PARP2: variants seen among roughly 807,000 people sequenced by gnomAD.
PARP2 encodes the protein poly(ADP-ribose) polymerase 2.
A neutral mutation model predicts 77.8 loss-of-function variants in PARP2; 57 were observed. That is an observed-to-expected ratio of 0.73 (90% CI 0.59 to 0.91). The LOEUF is 0.91. PARP2 is among the 40% of genes least tolerant of loss of function. The pLI, the probability that PARP2 is intolerant of heterozygous loss-of-function variation, is 0.00. For missense variants in PARP2, 651 were observed against 689.0 expected (o/e 0.94, Z 0.62); for synonymous variants, 226 against 242.6 (o/e 0.93, Z 0.64).
At chr14:20,348,383 T>A (rs1039981065) in intron 4 of PARP2, among the ~76,000 whole-genome samples, 5 of 150,702 alleles carry the variant, frequency 3.3e-5, no homozygotes, top group African/African-American at 1.2e-4. Flanking sequence ...TTTTCCTTTT[T>A]AAAAAATTTT....
chr14:20,354,925 A>G lies in PARP2; in HGVS notation c.880A>G (p.Thr294Ala). Residue 294 changes from threonine to alanine, a missense_variant, in exon 9 of 16, where the codon ACC becomes GCC. Thr to Ala is a moderately conservative substitution (Grantham distance 58). Coordinates refer to ENST00000429687, the MANE Select transcript of PARP2 (RefSeq NM_001042618.2). ...CATGGAAGCATGCAATGAATTCTAC[A>G]CCAGGATTCCGCATGACTTTGGGTA... ...ALMEACNEFY[T>A]RIPHDFGLRT... 6.2e-7 allele frequency: 1 copy of G among 1,613,898 alleles called. No homozygotes were observed. Among genetic ancestry groups the G allele is most frequent in the Non-Finnish European group, 8.5e-7 (1 of 1,179,896 alleles).
At chr14:20,346,946 T>C (rs1883747522) in intron 4 of PARP2, 33 bp downstream of exon 4, 2 of 1,341,938 alleles carry the variant, frequency 1.5e-6, no homozygotes, top group Middle Eastern at 1.8e-4. Context: ...ACCATTATAT[T>C]TATGAGACCA....
At chr14:20,352,385 CTT>C in intron 7 of PARP2, 38 bp downstream of exon 7, 1 of 1,264,348 alleles carries the variant, frequency 7.9e-7, no homozygotes, top group Non-Finnish European at 1.1e-6. Context: ...AACACATCTT[CTT>C]TTTTTATTTT....
chr14:20,356,525 C>G, intron 12 of PARP2, 65 bp from the exon 13 acceptor site: 1 of 1,600,920 alleles, frequency 6.2e-7, no homozygotes, highest in Non-Finnish European at 8.6e-7. Flanking sequence ...AAGGTGTTGG[C>G]TTTTTTATGC....
intron 3 of PARP2, 171 bp from the exon 4 acceptor site, chr14:20,346,692 G>T (rs1217788488): frequency 1.8e-6 from 1 of 566,960 alleles, no homozygotes; most frequent in South Asian, 2.4e-5. Flanking sequence ...TTATAGTAAG[G>T]TTACACCCAG....
intron 7 of PARP2, chr14:20,352,863 G>A (rs1884009509): frequency 1.4e-5 from 2 of 145,670 alleles, no homozygotes; most frequent in African/African-American, 5.3e-5. Context: ...TCTTGGCTCT[G>A]TTATTTACTA....
chr14:20,355,910 T>C lies in PARP2; in HGVS notation c.980T>C (p.Ile327Thr), dbSNP rs999143826. The change falls in exon 11 of 16, where the codon ATT becomes ACT. Residue 327 changes from isoleucine (I) to threonine (T), a missense_variant. Coordinates refer to ENST00000429687, the MANE Select transcript of PARP2 (RefSeq NM_001042618.2). ...TCATCTTCTCAGGCTTTGGGAGACA[T>C]TGAAATTGCTATTAAGCTGGTGAAA... ...KIQLLEALGD[I>T]EIAIKLVKTE... is the part of the protein sequence containing the mutation. 5.0e-6 allele frequency: 8 copies of C among 1,614,062 alleles called. No homozygotes were observed. Among genetic ancestry groups the C allele is most frequent in the Non-Finnish European group, 6.8e-6 (8 of 1,180,032 alleles).
rs768504414 is a variant in PARP2, at chr14:20,357,505, C to G, written c.1538C>G (p.Ala513Gly). Residue 513 changes from alanine (A) to glycine (G), a missense_variant, in exon 15 of 16, where the codon GCC becomes GGC. Coordinates refer to ENST00000429687, the MANE Select transcript of PARP2 (RefSeq NM_001042618.2). ...KGLGKMAPSS[A>G]HFVTLNGSTV... ...CTGGGCAAGATGGCTCCCAGTTCTG[C>G]CCACTTCGTCACCCTGTAAGTACTC... 6.2e-7 allele frequency: 1 copy of G among 1,611,300 alleles called. No homozygotes were observed. Among genetic ancestry groups the G allele is most frequent in the Non-Finnish European group, 8.5e-7 (1 of 1,179,008 alleles).
At chr14:20,343,794 C>A in intron 1 of PARP2, 107 bp downstream of exon 1, 1 of 1,215,072 alleles carries the variant, frequency 8.2e-7, no homozygotes, top group Non-Finnish European at 1.2e-6. Context: ...ATAACCTGCA[C>A]TTGGCTACCA....
intron 11 of PARP2, 114 bp from the exon 12 acceptor site, chr14:20,356,193 A>G (rs2138949439): frequency 7.0e-7 from 1 of 1,432,006 alleles, no homozygotes. Context: ...GCTGCCTTGT[A>G]AGACTGTTTG....
At chr14:20,357,349 C>G in intron 14 of PARP2, 47 bp from the exon 15 acceptor site, 1 of 1,571,542 alleles carries the variant, frequency 6.4e-7, no homozygotes, top group African/African-American at 1.4e-5. Context: ...TTGGAGCCAT[C>G]TAATTCTTAG....
intron 7 of PARP2, 89 bp downstream of exon 7, chr14:20,352,436 G>A: frequency 3.9e-6 from 3 of 759,632 alleles, no homozygotes; most frequent in Non-Finnish European, 6.5e-6. Context: ...TGCCCAGGCT[G>A]GGTGGCACAA....
intron 1 of PARP2, among the ~76,000 whole-genome samples, chr14:20,344,720 C>T (rs1479174766): frequency 2.0e-5 from 3 of 151,970 alleles, no homozygotes; most frequent in Non-Finnish European, 2.9e-5. Context: ...GGCTGAGGCA[C>T]GAGAATCACT....
intron 3 of PARP2, chr14:20,346,573 A>C: frequency 3.7e-6 from 1 of 266,756 alleles, no homozygotes; most frequent in Non-Finnish European, 7.3e-6. Context: ...ACCTCAAGTG[A>C]TCTGCCCACC....
rs754973295 is a variant in PARP2, at chr14:20,354,186, T to C, written c.702T>C (p.Asn234=). 3 of 1,613,642 alleles carry C rather than the reference T, an allele frequency of 1.9e-6. No individual in the cohort carries two copies. Among genetic ancestry groups the C allele is most frequent in the South Asian group, 1.1e-5 (1 of 91,070 alleles). Residue 234 remains asparagine, a synonymous_variant, in exon 8 of 16, where the codon AAT becomes AAC. Transcript: ENST00000429687. ...RVQELIKLIC[N]VQAMEEMMME... is the part of the protein sequence containing the mutation. The stretch of plus-strand genomic sequence containing the variant: ...AGGAGTTAATAAAGTTGATCTGTAA[T>C]GTTCAGGCCATGGAAGAAATGATGA...
At chr14:20,347,706 C>T (rs1010066438) in intron 4 of PARP2, among the ~76,000 whole-genome samples, 9 of 151,536 alleles carry the variant, frequency 5.9e-5, no homozygotes, top group African/African-American at 2.2e-4. Context: ...CCACTGCGCC[C>T]GGCAAGTCCT....
chr14:20,352,702 T>C (rs1884004344), intron 7 of PARP2: 1 of 187,478 alleles, frequency 5.3e-6, no homozygotes, highest in Non-Finnish European at 1.1e-5. Context: ...TTCTTCTTAC[T>C]CAGGGTAAAG....
At chr14:20,354,555 G>A (rs1487162262) in intron 8 of PARP2, 2 of 538,864 alleles carry the variant, frequency 3.7e-6, no homozygotes, top group Non-Finnish European at 6.5e-6. Flanking sequence ...AAATTAGCCA[G>A]GCATGGTGGT....
intron 4 of PARP2, among the ~76,000 whole-genome samples, chr14:20,349,526 A>G (rs1289914250): frequency 6.6e-6 from 1 of 151,696 alleles, no homozygotes; most frequent in Non-Finnish European, 1.5e-5. Context: ...AAAAAAAATT[A>G]GTCTGGCATG....
Sources: allele counts gnomAD v4.1 joint callset (sites outside exome capture counted in the v4.1 genomes callset), GRCh38; gene constraint gnomAD v4.1.1; transcripts MANE v1.5; gene names NCBI Gene and HGNC (gene_info 2026-07-23, HGNC 2026-07-21).